The following CRLF3 variants were observed in gnomAD, a reference collection of about 807,000 sequenced individuals.
CRLF3 encodes cytokine receptor like factor 3.
CRLF3 carries 33 observed loss-of-function variants against 55.0 expected under a neutral mutation model. The ratio of observed to expected loss-of-function variants is 0.60; its 90% CI spans 0.46 to 0.80. The LOEUF (loss-of-function observed/expected upper bound fraction) is 0.80, where lower values mean the gene tolerates loss of function less well. Ranked by LOEUF, CRLF3 falls within the 30% of genes least tolerant of loss-of-function variation. The pLI, the probability that CRLF3 is intolerant of heterozygous loss-of-function variation, is 0.00. For synonymous variants in CRLF3, 238 were observed against 196.8 expected (o/e 1.21, Z -1.75); for missense variants, 494 against 538.4 (o/e 0.92, Z 0.82).
chr17:30,818,793 G>C (rs1320561171), intron 1 of CRLF3, among the ~76,000 whole-genome samples: 1 of 147,848 alleles, frequency 6.8e-6, no homozygotes, highest in Admixed American at 6.8e-5. Flanking sequence ...GAGACTTCCT[G>C]TCTTGGTTTT....
intron 1 of CRLF3, among the ~76,000 whole-genome samples, chr17:30,820,768 A>G (rs1382878629): frequency 6.7e-6 from 1 of 148,300 alleles, no homozygotes; most frequent in Non-Finnish European, 1.5e-5. Flanking sequence ...GAAGGTTGCA[A>G]TGAGCCAAGA....
intron 1 of CRLF3, among the ~76,000 whole-genome samples, chr17:30,812,897 G>A (rs1213605239): frequency 6.6e-6 from 1 of 152,164 alleles, no homozygotes; most frequent in African/African-American, 2.4e-5. Flanking sequence ...CAGGGAGAGA[G>A]ACTGGCACCA....
chr17:30,789,120 A>AG (rs1448216838), intron 6 of CRLF3, among the ~76,000 whole-genome samples: 5 of 152,050 alleles, frequency 3.3e-5, no homozygotes, highest in Non-Finnish European at 5.9e-5. Flanking sequence ...CATTCCACAA[A>AG]GAAAAAAATG....
At chr17:30,817,524 A>C (rs1904842447) in intron 1 of CRLF3, among the ~76,000 whole-genome samples, 1 of 152,184 alleles carries the variant, frequency 6.6e-6, no homozygotes, top group African/African-American at 2.4e-5. Context: ...AATGCTTATA[A>C]TGTTAATAAA....
chr17:30,822,953 G>C (rs982504618), intron 1 of CRLF3, among the ~76,000 whole-genome samples: 3 of 152,156 alleles, frequency 2.0e-5, no homozygotes, highest in Non-Finnish European at 4.4e-5. Context: ...TGAGTGCATT[G>C]AAAGGCCTTG....
intron 6 of CRLF3, among the ~76,000 whole-genome samples, chr17:30,791,169 C>A (rs1971791179): frequency 6.6e-6 from 1 of 152,006 alleles, no homozygotes; most frequent in South Asian, 2.1e-4. Context: ...CTCCCGGGTT[C>A]AAGTGATTCT....
At chr17:30,794,704 G>T (rs183989209) in intron 4 of CRLF3, among the ~76,000 whole-genome samples, 7 of 152,224 alleles carry the variant, frequency 4.6e-5, no homozygotes, top group Admixed American at 3.9e-4. Context: ...GGGCTGAGGC[G>T]GGAGGATCAC....
chr17:30,793,280 A>T, intron 5 of CRLF3, among the ~76,000 whole-genome samples, 170 bp downstream of exon 5: 1 of 152,178 alleles, frequency 6.6e-6, no homozygotes, highest in Admixed American at 6.6e-5. Context: ...AGAACTGATG[A>T]AAACAAAAAT....
chr17:30,806,662 C>CTCTG (rs1567665645), intron 1 of CRLF3, among the ~76,000 whole-genome samples: 1 of 152,078 alleles, frequency 6.6e-6, no homozygotes, highest in Non-Finnish European at 1.5e-5. Context: ...GATTTTTCTT[C>CTCTG]TTTTATTTCA....
At chr17:30,814,608 G>A (rs1215693133) in intron 1 of CRLF3, among the ~76,000 whole-genome samples, 2 of 151,146 alleles carry the variant, frequency 1.3e-5, no homozygotes, top group Non-Finnish European at 2.9e-5. Context: ...GCTGAGCTGA[G>A]ATCGTGCCAC....
intron 1 of CRLF3, among the ~76,000 whole-genome samples, chr17:30,812,351 T>C (rs895788716): frequency 6.6e-6 from 1 of 152,078 alleles, no homozygotes; most frequent in African/African-American, 2.4e-5. Flanking sequence ...TATGGTCTCA[T>C]TTAAACTCTA....
chr17:30,814,439 A>G (rs1904720210), intron 1 of CRLF3, among the ~76,000 whole-genome samples: 1 of 151,974 alleles, frequency 6.6e-6, no homozygotes, highest in Non-Finnish European at 1.5e-5. Context: ...GGATCACCTA[A>G]GGTCAGGAGT....
At position 30,793,436 on chromosome 17, in the gene CRLF3, G is replaced by C; in HGVS notation, c.826+14C>G. The C allele has an allele frequency of 1.9e-6, 3 of 1,602,594 alleles. No homozygotes were observed. The South Asian group carries it at 3.3e-5, about 18-fold the overall frequency. ...TATAGTTAGGCTTCAGGAGAGAAAA[G>C]GTTAGCAGCATACCATGAGGCACCA... On this transcript the variant is annotated intron_variant, in intron 5 of 7. Transcript: ENST00000324238.
intron 7 of CRLF3, among the ~76,000 whole-genome samples, chr17:30,785,321 C>A: frequency 6.6e-6 from 1 of 151,886 alleles, no homozygotes; most frequent in East Asian, 1.9e-4. Flanking sequence ...GTGATTTGCC[C>A]GCCTTGGCCT....
At chr17:30,794,972 A>G (rs527647369) in intron 4 of CRLF3, among the ~76,000 whole-genome samples, 10 of 152,300 alleles carry the variant, frequency 6.6e-5, no homozygotes, top group African/African-American at 2.4e-4. Flanking sequence ...TATGGATCCA[A>G]TACTCTAAGA....
At chr17:30,819,798 A>G (rs901498333) in intron 1 of CRLF3, among the ~76,000 whole-genome samples, 1 of 152,208 alleles carries the variant, frequency 6.6e-6, no homozygotes, top group African/African-American at 2.4e-5. Flanking sequence ...AATAGAACTT[A>G]TATTTTTCTT....
chr17:30,803,898 C>A lies in CRLF3; in HGVS notation c.337+3G>T. 6.2e-7 allele frequency: 1 copy of A among 1,608,432 alleles called. No individual in the cohort carries two copies. Among genetic ancestry groups the A allele is most frequent in the South Asian group, 1.1e-5 (1 of 90,916 alleles). On this transcript the variant is annotated splice_donor_region_variant and intron_variant, in intron 2 of 7. Coordinates refer to ENST00000324238, the MANE Select transcript of CRLF3 (RefSeq NM_015986.4). ...TAATACAACAGGCTCCCTGGTCCCCCACCTTCTCGGACTAAGTCCTCTGCA... is the reference window on the plus strand; with the variant it reads ...TAATACAACAGGCTCCCTGGTCCCCAACCTTCTCGGACTAAGTCCTCTGCA...
chr17:30,791,506 C>A (rs949817954), intron 6 of CRLF3, among the ~76,000 whole-genome samples: 1 of 151,030 alleles, frequency 6.6e-6, no homozygotes, highest in African/African-American at 2.4e-5. Flanking sequence ...TGCGTCCAGT[C>A]TCTTGGCCTC....
At chr17:30,814,513 C>T (rs1567668129) in intron 1 of CRLF3, among the ~76,000 whole-genome samples, 1 of 151,168 alleles carries the variant, frequency 6.6e-6, no homozygotes, top group Non-Finnish European at 1.5e-5. Context: ...AAAAATTAGC[C>T]GAGCGTGGTG....
Sources: gnomAD v4.1 joint callset for allele counts (sites outside exome capture counted in the v4.1 genomes callset) on GRCh38, gnomAD v4.1.1 for gene constraint, MANE v1.5 for transcripts, NCBI Gene and HGNC (gene_info 2026-07-23, HGNC 2026-07-21) for gene names.